SMIM36: variants seen among roughly 807,000 people sequenced by gnomAD.
The protein encoded by SMIM36 is small integral membrane protein 36.
At chr17:55,524,353 T>C in the SMIM36 span, among the ~76,000 whole-genome samples, 1 of 152,206 alleles carries the variant, frequency 6.6e-6, no homozygotes, top group Non-Finnish European at 1.5e-5. Flanking sequence ...TCCACGTCTT[T>C]GCTATTTTGA....
intron 3 of SMIM36, among the ~76,000 whole-genome samples, chr17:55,476,567 A>G (rs984410747): frequency 2.7e-5 from 4 of 149,650 alleles, no homozygotes; most frequent in African/African-American, 9.8e-5. Context: ...GATGGTCACT[A>G]TTTTTTTTTT....
the SMIM36 span, among the ~76,000 whole-genome samples, chr17:55,520,485 G>C: frequency 6.6e-6 from 1 of 152,102 alleles, no homozygotes; most frequent in Admixed American, 6.6e-5. Flanking sequence ...GCACTTTGGG[G>C]CTAAGTAAAA....
At chr17:55,529,110 G>T in the SMIM36 span, among the ~76,000 whole-genome samples, 1 of 152,248 alleles carries the variant, frequency 6.6e-6, no homozygotes, top group African/African-American at 2.4e-5. Flanking sequence ...TTAAACTTGT[G>T]TAAAGAAGAA....
chr17:55,530,499 G>T, the SMIM36 span, among the ~76,000 whole-genome samples: 1 of 152,088 alleles, frequency 6.6e-6, no homozygotes, highest in Non-Finnish European at 1.5e-5. Context: ...AAAAATGCAG[G>T]AGAGGCTGGG....
chr17:55,483,494 TG>T (rs1909553376), intron 1 of SMIM36, among the ~76,000 whole-genome samples: 1 of 152,178 alleles, frequency 6.6e-6, no homozygotes, highest in South Asian at 2.1e-4. Context: ...CTCCATCATG[TG>T]GGTGGGCCTC....
At chr17:55,528,685 GA>G in the SMIM36 span, among the ~76,000 whole-genome samples, 2 of 151,804 alleles carry the variant, frequency 1.3e-5, no homozygotes, top group Non-Finnish European at 2.9e-5. Flanking sequence ...GAGTAGCTGG[GA>G]TTACAGATGC....
At chr17:55,452,892 GA>G (rs1457085036) in intron 4 of SMIM36, among the ~76,000 whole-genome samples, 1 of 152,174 alleles carries the variant, frequency 6.6e-6, no homozygotes, top group African/African-American at 2.4e-5. Context: ...CTTTGATAGA[GA>G]GGGAAGTAAG....
chr17:55,475,743 G>A (rs549903569), intron 3 of SMIM36, among the ~76,000 whole-genome samples: 22 of 152,258 alleles, frequency 1.4e-4, no homozygotes, highest in African/African-American at 4.6e-4. Context: ...CCAATTCTTA[G>A]TCCTTTAATA....
intron 1 of SMIM36, among the ~76,000 whole-genome samples, chr17:55,509,709 T>C (rs1294424526): frequency 6.6e-6 from 1 of 152,108 alleles, no homozygotes; most frequent in African/African-American, 2.4e-5. Flanking sequence ...GTTCAGTAAA[T>C]CTCAAAGTAA....
At chr17:55,473,175 C>T (rs1909370789) in intron 3 of SMIM36, among the ~76,000 whole-genome samples, 1 of 152,108 alleles carries the variant, frequency 6.6e-6, no homozygotes, top group African/African-American at 2.4e-5. Context: ...GGCTTGCCTC[C>T]TGCAGCCCCT....
upstream of SMIM36, among the ~76,000 whole-genome samples, chr17:55,512,792 G>A (rs761198094): frequency 1.2e-4 from 19 of 152,186 alleles, no homozygotes; most frequent in Non-Finnish European, 2.4e-4. Flanking sequence ...GGCATCAGTA[G>A]CCTTTTCTCC....
chr17:55,485,144 A>G (rs1254075600), intron 1 of SMIM36, among the ~76,000 whole-genome samples: 1 of 152,222 alleles, frequency 6.6e-6, no homozygotes, highest in Non-Finnish European at 1.5e-5. Context: ...ATATTTTATT[A>G]AAGGATAGAT....
chr17:55,481,796 T>C (rs1707709084), intron 1 of SMIM36, among the ~76,000 whole-genome samples: 1 of 152,092 alleles, frequency 6.6e-6, no homozygotes, highest in African/African-American at 2.4e-5. Flanking sequence ...TGGGCTTATG[T>C]GAGTCTCCCA....
intron 3 of SMIM36, among the ~76,000 whole-genome samples, chr17:55,467,574 T>A (rs975244424): frequency 6.6e-6 from 1 of 152,110 alleles, no homozygotes; most frequent in African/African-American, 2.4e-5. Context: ...TTTTTTGTAT[T>A]TTTAGTAGAG....
At chr17:55,450,366 A>C (rs1333209819) in intron 4 of SMIM36, 68 bp from the exon 5 acceptor site, 2 of 152,272 alleles carry the variant, frequency 1.3e-5, no homozygotes, top group Non-Finnish European at 2.9e-5. Context: ...TTGTTACAGC[A>C]GTCAAGTGAA....
chr17:55,456,317 T>C (rs1024574545), intron 4 of SMIM36, among the ~76,000 whole-genome samples: 2 of 152,152 alleles, frequency 1.3e-5, no homozygotes, highest in African/African-American at 4.8e-5. Flanking sequence ...CATTCTTAAT[T>C]GTCTCCTGTA....
At chr17:55,500,304 T>G (rs1043088967) in intron 1 of SMIM36, among the ~76,000 whole-genome samples, 1 of 152,008 alleles carries the variant, frequency 6.6e-6, no homozygotes, top group Non-Finnish European at 1.5e-5. Flanking sequence ...CTTTCACTTC[T>G]TATAGAGACG....
At chr17:55,510,026 G>T (rs1238086509) in intron 1 of SMIM36, among the ~76,000 whole-genome samples, 1 of 152,050 alleles carries the variant, frequency 6.6e-6, no homozygotes, top group Admixed American at 6.6e-5. Context: ...CATCATCATA[G>T]CTAACCCTGT....
chr17:55,477,243 A>G (rs1305674468), intron 3 of SMIM36: 1 of 152,260 alleles, frequency 6.6e-6, no homozygotes, highest in African/African-American at 2.4e-5. Context: ...GTATTGTTTC[A>G]TAGTTATGGA....
Sources: allele counts gnomAD v4.1 joint callset (sites outside exome capture counted in the v4.1 genomes callset), GRCh38; gene constraint gnomAD v4.1.1; transcripts MANE v1.5; gene names NCBI Gene and HGNC (gene_info 2026-07-23, HGNC 2026-07-21).